ERBB4: variants seen among roughly 807,000 people sequenced by gnomAD.
The protein encoded by ERBB4 is receptor tyrosine-protein kinase erbB-4.
Under a neutral mutation model 158.0 loss-of-function variants are expected in ERBB4, and 42 were observed. The ratio of observed to expected loss-of-function variants is 0.27; its 90% CI spans 0.21 to 0.34. The LOEUF is 0.34. Among genes scored for constraint, ERBB4 ranks in the 10% least tolerant of loss-of-function variants. The probability of loss-of-function intolerance (pLI) is 1.00; values close to 1 mark genes in which losing one functional copy is unlikely to be tolerated. For synonymous variants in ERBB4, 583 were observed against 558.7 expected (o/e 1.04, Z -0.61); for missense variants, 1,333 against 1,624.1 (o/e 0.82, Z 3.08).
intron 15 of ERBB4, among the ~76,000 whole-genome samples, chr2:211,663,646 G>A (rs1041613542): frequency 7.2e-5 from 11 of 152,210 alleles, no homozygotes; most frequent in African/African-American, 2.6e-4. Flanking sequence ...AGACACACCA[G>A]CCATGCATCC....
At chr2:211,974,245 A>C (rs2081542498) in intron 2 of ERBB4, among the ~76,000 whole-genome samples, 1 of 152,190 alleles carries the variant, frequency 6.6e-6, no homozygotes, top group South Asian at 2.1e-4. Context: ...TTTTTTTTAA[A>C]TCATAAAATT....
intron 20 of ERBB4, among the ~76,000 whole-genome samples, chr2:211,506,507 G>A (rs1689543971): frequency 6.6e-6 from 1 of 151,888 alleles, no homozygotes; most frequent in Admixed American, 6.6e-5. Context: ...CTGATCATAT[G>A]CTTGGCAATA....
At chr2:211,599,027 T>C (rs2068719062) in intron 19 of ERBB4, among the ~76,000 whole-genome samples, 1 of 152,154 alleles carries the variant, frequency 6.6e-6, no homozygotes, top group South Asian at 2.1e-4. Context: ...ATTTTACAGA[T>C]TGTTGTGAGA....
chr2:212,056,489 A>C (rs908123123), intron 2 of ERBB4, among the ~76,000 whole-genome samples: 1 of 152,186 alleles, frequency 6.6e-6, no homozygotes, highest in African/African-American at 2.4e-5. Context: ...GATTCACCAA[A>C]GTTGAAATGA....
intron 3 of ERBB4, among the ~76,000 whole-genome samples, chr2:211,903,725 T>TA (rs898554939): frequency 2.9e-4 from 44 of 151,048 alleles, no homozygotes; most frequent in Admixed American, 6.6e-4. Context: ...AATATACTGA[T>TA]AAAAAAAGAG....
chr2:211,690,666 A>C (rs1165165088), intron 12 of ERBB4, among the ~76,000 whole-genome samples: 1 of 152,178 alleles, frequency 6.6e-6, no homozygotes, highest in Non-Finnish European at 1.5e-5. Flanking sequence ...CATAGCATAG[A>C]ACAAAAGGCC....
intron 20 of ERBB4, among the ~76,000 whole-genome samples, chr2:211,553,148 T>C (rs2067148210): frequency 6.6e-6 from 1 of 152,072 alleles, no homozygotes; most frequent in Admixed American, 6.5e-5. Context: ...TTTGTATTTT[T>C]AGTAGAGACG....
intron 25 of ERBB4, among the ~76,000 whole-genome samples, chr2:211,404,976 G>C (rs954652442): frequency 6.6e-6 from 1 of 152,118 alleles, no homozygotes; most frequent in African/African-American, 2.4e-5. Context: ...TTAATAAAAT[G>C]TGGAAATTAG....
intron 3 of ERBB4, among the ~76,000 whole-genome samples, chr2:211,853,318 T>C (rs1251034593): frequency 6.6e-6 from 1 of 152,032 alleles, no homozygotes; most frequent in Non-Finnish European, 1.5e-5. Context: ...TGCCTTTCTT[T>C]TAACTGGGAA....
chr2:212,313,994 C>A (rs1052668910), intron 1 of ERBB4, among the ~76,000 whole-genome samples: 1 of 150,938 alleles, frequency 6.6e-6, no homozygotes. Flanking sequence ...AAATACACTT[C>A]CAGATACTAG....
intron 2 of ERBB4, among the ~76,000 whole-genome samples, chr2:212,023,929 T>G (rs941720194): frequency 2.0e-5 from 3 of 151,884 alleles, no homozygotes; most frequent in South Asian, 2.1e-4. Flanking sequence ...ATTGGCTTTT[T>G]TTTTTTAGGA....
chr2:211,906,714 C>T (rs2079402661), intron 3 of ERBB4, among the ~76,000 whole-genome samples: 1 of 151,460 alleles, frequency 6.6e-6, no homozygotes, highest in Non-Finnish European at 1.5e-5. Flanking sequence ...CACCCTCTAC[C>T]CTCAAGTAGG....
At chr2:211,452,826 T>C (rs914612739) in intron 20 of ERBB4, among the ~76,000 whole-genome samples, 5 of 152,210 alleles carry the variant, frequency 3.3e-5, no homozygotes, top group African/African-American at 1.2e-4. Flanking sequence ...TGTTAAATAA[T>C]TGATTCTAAT....
At chr2:211,734,690 G>T (rs1239063832) in intron 5 of ERBB4, among the ~76,000 whole-genome samples, 2 of 148,954 alleles carry the variant, frequency 1.3e-5, no homozygotes, top group Non-Finnish European at 3.0e-5. Context: ...GAAGGCCAAG[G>T]CGGGCGGATC....
At chr2:212,070,512 T>G (rs931771143) in intron 2 of ERBB4, among the ~76,000 whole-genome samples, 1 of 152,070 alleles carries the variant, frequency 6.6e-6, no homozygotes, top group Non-Finnish European at 1.5e-5. Context: ...TTGAATAGAT[T>G]TAAGAGTTCA....
chr2:212,137,380 A>G (rs911395142), intron 1 of ERBB4, among the ~76,000 whole-genome samples: 1 of 152,032 alleles, frequency 6.6e-6, no homozygotes, highest in Non-Finnish European at 1.5e-5. Context: ...CTGTGTGTCC[A>G]TGTGTTCTCA....
Position 211,378,746 on chromosome 2 carries a change from C to T in ERBB4, c.*4869G>A, listed in dbSNP as rs774211685. The T allele has an allele frequency of 6.4e-5, 15 of 232,788 alleles. No individual in the cohort carries two copies. Among genetic ancestry groups the T allele is most frequent in the African/African-American group, 2.6e-4 (12 of 45,392 alleles). The allele number at this position is 232,788 out of a possible 1,614,324, so 14.4% of individuals were successfully genotyped here. On this transcript the variant is annotated 3_prime_UTR_variant, in exon 28 of 28. Transcript: ENST00000342788. ...TGTTCTTAAGCAAATAGCAACCAGG[C>T]GATACCAATCTGCATTTATATGTTT...
intron 1 of ERBB4, among the ~76,000 whole-genome samples, chr2:212,260,327 G>A (rs190571446): frequency 2.6e-5 from 4 of 152,254 alleles, no homozygotes; most frequent in African/African-American, 9.6e-5. Context: ...ATAAAAGATA[G>A]GCTTAATTTG....
At chr2:212,420,667 ACT>A (rs1431678635) in intron 1 of ERBB4, among the ~76,000 whole-genome samples, 1 of 152,118 alleles carries the variant, frequency 6.6e-6, no homozygotes, top group Non-Finnish European at 1.5e-5. Context: ...TCAAAGGAAC[ACT>A]CTCACTATTC....
Sources: allele counts gnomAD v4.1 joint callset (sites outside exome capture counted in the v4.1 genomes callset), GRCh38; gene constraint gnomAD v4.1.1; transcripts MANE v1.5; gene names NCBI Gene and HGNC (gene_info 2026-07-23, HGNC 2026-07-21).